The following DENND4A variants were observed in gnomAD, a reference collection of about 807,000 sequenced individuals.
The protein encoded by DENND4A is DENN domain containing 4A.
A neutral mutation model predicts 199.3 loss-of-function variants in DENND4A; 70 were observed. That is an observed-to-expected ratio of 0.35 (90% CI 0.29 to 0.43). DENND4A has a LOEUF of 0.43. DENND4A is among the 20% of genes least tolerant of loss of function. The pLI, the probability that DENND4A is intolerant of heterozygous loss-of-function variation, is 1.00. For synonymous variants in DENND4A, 686 were observed against 766.9 expected (o/e 0.89, Z 1.74); for missense variants, 1,723 against 2,255.8 (o/e 0.76, Z 4.78).
chr15:65,690,703 A>C lies in DENND4A; in HGVS notation c.3891T>G (p.Pro1297=). 1 of 1,613,650 alleles carries C rather than the reference A, an allele frequency of 6.2e-7. No individual in the cohort carries two copies. The highest frequency in any genetic ancestry group is 8.5e-7 in the Non-Finnish European group (1 of 1,179,780). ...LVKACRRSSL[P]PNSPKPVRLT... ...GTCTCACTGGCTTAGGAGAATTAGG[A>C]GGCAGACTAGATCTTCTGCATGCCT... The change falls in exon 23 of 33, where the codon CCT becomes CCG. Residue 1297 remains proline (P), a synonymous_variant. Transcript: ENST00000443035.
At chr15:65,748,787 A>T (rs994361484) in intron 4 of DENND4A, among the ~76,000 whole-genome samples, 9 of 151,990 alleles carry the variant, frequency 5.9e-5, no homozygotes, top group Non-Finnish European at 1.0e-4. Flanking sequence ...GGAGTTCAAG[A>T]CGAGCCGGGG....
intron 24 of DENND4A, among the ~76,000 whole-genome samples, chr15:65,672,986 G>A (rs1326641639): frequency 6.6e-6 from 1 of 151,342 alleles, no homozygotes; most frequent in Non-Finnish European, 1.5e-5. Context: ...TCAGCCTCCC[G>A]AGTAGCTGGG....
Position 65,659,798 on chromosome 15 carries a change from G to A in DENND4A, c.*2053C>T, listed in dbSNP as rs2075800406. On this transcript the variant is annotated 3_prime_UTR_variant, in exon 33 of 33. Coordinates refer to ENST00000443035, the MANE Select transcript of DENND4A (RefSeq NM_001320835.1). ...CAAAAGCAGAAACAAAACTTGGGGT[G>A]GAAAGAGGAGGTAAAAATTACATTC... The A allele has an allele frequency of 6.5e-6, 1 of 153,554 alleles. No homozygotes were observed. Among genetic ancestry groups the A allele is most frequent in the Non-Finnish European group, 1.4e-5 (1 of 68,990 alleles). 9.5% of individuals were successfully genotyped at this position (153,554 alleles called of 1,614,324 possible).
At position 65,731,935 on chromosome 15, in the gene DENND4A, C is replaced by T. The variant is rs577274130; in HGVS notation, c.1108-235G>A. The stretch of plus-strand genomic sequence containing the variant: ...CTTTTCTTCTGTCCTCAATGGTTTC[C>T]CCTGATGCCATTTTAACAAATTCAC... On this transcript the variant is annotated intron_variant, in intron 8 of 32. Coordinates refer to ENST00000443035, the MANE Select transcript of DENND4A (RefSeq NM_001320835.1). Among the ~76,000 whole-genome samples, 13 of 152,084 alleles carry T rather than the reference C, an allele frequency of 8.5e-5. No homozygotes were observed. The South Asian group carries it at 2.7e-3, about 32-fold the overall frequency.
chr15:65,731,236 T>G (rs1451949196), intron 9 of DENND4A, among the ~76,000 whole-genome samples: 9 of 152,038 alleles, frequency 5.9e-5, no homozygotes, highest in Non-Finnish European at 1.3e-4. Flanking sequence ...CATTGTCCTA[T>G]TCTACAATTT....
rs1441769810 is a variant in DENND4A, at chr15:65,690,919, T to C, written c.3675A>G (p.Gln1225=). 2.5e-6 allele frequency: 4 copies of C among 1,606,060 alleles called. No individual in the cohort carries two copies. The highest frequency in any genetic ancestry group is 3.4e-6 in the Non-Finnish European group (4 of 1,175,976). Residue 1225 remains glutamine, a synonymous_variant, in exon 23 of 33, where the codon CAA becomes CAG. Transcript: ENST00000443035. ...CTTCATCCTCCTCCTCTTCTTCTTTTTGCTGCTGTTCAGTCTCAGCAACCA... is the reference window on the plus strand; with the variant it reads ...CTTCATCCTCCTCCTCTTCTTCTTTCTGCTGCTGTTCAGTCTCAGCAACCA... ...SLLVAETEQQ[Q]KEEEEEDEDD...
chr15:65,729,270 G>A, intron 10 of DENND4A, 23 bp from the exon 11 acceptor site: 1 of 1,556,786 alleles, frequency 6.4e-7, no homozygotes. Flanking sequence ...AAAGATAGGA[G>A]AGAATTTAGC....
chr15:65,744,719 T>G (rs1328928394), intron 4 of DENND4A, among the ~76,000 whole-genome samples: 2 of 152,244 alleles, frequency 1.3e-5, no homozygotes, highest in Non-Finnish European at 1.5e-5. Flanking sequence ...TCATAAAGTA[T>G]AAGCTTTTAG....
At chr15:65,741,355 T>G (rs2076256148) in intron 5 of DENND4A, among the ~76,000 whole-genome samples, 1 of 152,240 alleles carries the variant, frequency 6.6e-6, no homozygotes, top group Non-Finnish European at 1.5e-5. Flanking sequence ...TTTTCCATTA[T>G]TATGAAACAT....
intron 7 of DENND4A, among the ~76,000 whole-genome samples, chr15:65,734,624 T>C (rs911842553): frequency 6.6e-5 from 10 of 152,018 alleles, no homozygotes; most frequent in Admixed American, 3.3e-4. Flanking sequence ...CCCCTTCAAT[T>C]AAAGTACTCA....
At chr15:65,667,882 A>G in intron 28 of DENND4A, 43 bp downstream of exon 28, 1 of 1,572,822 alleles carries the variant, frequency 6.4e-7, no homozygotes, top group Non-Finnish European at 8.6e-7. Flanking sequence ...AATCATACGT[A>G]AGTGATCAAT....
intron 23 of DENND4A, among the ~76,000 whole-genome samples, chr15:65,685,201 A>C (rs1330593367): frequency 1.3e-5 from 2 of 150,826 alleles, no homozygotes; most frequent in Non-Finnish European, 3.0e-5. Context: ...ATCTCAGCTC[A>C]CCGCAAGCTC....
intron 11 of DENND4A, among the ~76,000 whole-genome samples, chr15:65,725,492 C>T (rs1056754128): frequency 2.6e-5 from 4 of 151,840 alleles, no homozygotes; most frequent in Non-Finnish European, 4.4e-5. Flanking sequence ...CTGGCTAATG[C>T]GGTGAAACCC....
At chr15:65,721,593 T>TAAAA (rs71447857) in intron 12 of DENND4A, among the ~76,000 whole-genome samples, 1 of 131,588 alleles carries the variant, frequency 7.6e-6, no homozygotes, top group Non-Finnish European at 1.6e-5. Context: ...TGACTCCACT[T>TAAAA]AAAAAAAAAA....
intron 1 of DENND4A, chr15:65,771,317 C>T: frequency 6.3e-7 from 1 of 1,589,568 alleles, no homozygotes; most frequent in African/African-American, 1.3e-5. Flanking sequence ...TTCTTTCCAG[C>T]AGTTATTTCG....
chr15:65,692,062 C>T (rs2076991356), intron 22 of DENND4A, among the ~76,000 whole-genome samples: 1 of 150,264 alleles, frequency 6.7e-6, no homozygotes, highest in Non-Finnish European at 1.5e-5. Flanking sequence ...TTTGGCTTCC[C>T]AAAGTGCTAG....
At chr15:65,666,767 A>T (rs2076050706) in intron 29 of DENND4A, among the ~76,000 whole-genome samples, 1 of 139,858 alleles carries the variant, frequency 7.2e-6, no homozygotes, top group Admixed American at 7.1e-5. Flanking sequence ...TGACAGGGCG[A>T]GACCTTGTGT....
chr15:65,664,794 T>G lies in DENND4A; in HGVS notation c.5360-72A>C, dbSNP rs539110650. 39 of 1,274,270 alleles carry G rather than the reference T, an allele frequency of 3.1e-5. No homozygotes were observed. The Middle Eastern group carries it at 1.0e-3, about 33-fold the overall frequency. 78.9% of individuals were successfully genotyped at this position (1,274,270 alleles called of 1,614,324 possible). ...AAGGAGAAAGAAATTAAGCAGCAACTGACAGATATTAAGTTACAAAGCACT... is the reference window on the plus strand; with the variant it reads ...AAGGAGAAAGAAATTAAGCAGCAACGGACAGATATTAAGTTACAAAGCACT... On this transcript the variant is annotated intron_variant, in intron 30 of 32. Transcript: ENST00000443035.
intron 4 of DENND4A, among the ~76,000 whole-genome samples, chr15:65,743,557 T>C (rs1055897223): frequency 2.6e-5 from 4 of 152,240 alleles, no homozygotes; most frequent in Non-Finnish European, 5.9e-5. Context: ...TTTTCTTTTT[T>C]ACTACAGCAC....
Sources: gnomAD v4.1 joint callset for allele counts (sites outside exome capture counted in the v4.1 genomes callset) on GRCh38, gnomAD v4.1.1 for gene constraint, MANE v1.5 for transcripts, NCBI Gene and HGNC (gene_info 2026-07-23, HGNC 2026-07-21) for gene names.